CACNB2: variants seen among roughly 807,000 people sequenced by gnomAD.
CACNB2 encodes the protein voltage-dependent L-type calcium channel subunit beta-2.
CACNB2 carries 42 observed loss-of-function variants against 73.3 expected under a neutral mutation model. The observed-to-expected ratio is 0.57, with a 90% CI of 0.45 to 0.74. The LOEUF is 0.74. Ranked by LOEUF, CACNB2 falls within the 30% of genes least tolerant of loss-of-function variation. The pLI is 0.00. For synonymous variants in CACNB2, 348 were observed against 310.3 expected (o/e 1.12, Z -1.28); for missense variants, 940 against 853.0 (o/e 1.10, Z -1.27).
intron 3 of CACNB2, among the ~76,000 whole-genome samples, chr10:18,443,142 C>T (rs189473167): frequency 1.2e-3 from 178 of 150,674 alleles, no homozygotes; most frequent in African/African-American, 4.0e-3. Context: ...TTGACTGAGT[C>T]GTGAAGTTTT....
rs570745027 is a variant in CACNB2 at position 18,384,762 on chromosome 10, A to C, written c.214-17162A>C. Among the ~76,000 whole-genome samples, 306 of 151,290 alleles carry C rather than the reference A, an allele frequency of 2.0e-3. 2 individuals carry two copies. Among genetic ancestry groups the C allele is most frequent in the Middle Eastern group, 6.8e-3 (2 of 292 alleles). ...CAACAACAAACAAAAAACAAAAAAA[A>C]CCCACAAAACCAAAAATAAAGTAAT... On this transcript the variant is annotated intron_variant, in intron 2 of 13. Coordinates refer to ENST00000324631, the MANE Select transcript of CACNB2 (RefSeq NM_201596.3).
chr10:18,480,173 A>C (rs1470862275), intron 3 of CACNB2, among the ~76,000 whole-genome samples: 2 of 152,156 alleles, frequency 1.3e-5, no homozygotes, highest in African/African-American at 4.8e-5. Context: ...TTTTTTTCCA[A>C]GGGTTTTTTG....
chr10:18,292,235 A>G (rs2039093595), intron 2 of CACNB2, among the ~76,000 whole-genome samples: 1 of 152,228 alleles, frequency 6.6e-6, no homozygotes, highest in South Asian at 2.1e-4. Context: ...TGGAAACAAG[A>G]TAGCATAGCT....
At chr10:18,492,493 C>T (rs140326709) in intron 3 of CACNB2, among the ~76,000 whole-genome samples, 5,373 of 151,858 alleles carry the variant, frequency 0.035, 285 homozygotes, top group African/African-American at 0.12. Context: ...TGGTGGCATG[C>T]GCCTGTAGTC....
intron 2 of CACNB2, among the ~76,000 whole-genome samples, chr10:18,220,227 A>AGGGGGGG (rs1564353826): frequency 3.9e-5 from 2 of 51,718 alleles, no homozygotes; most frequent in African/African-American, 3.4e-4. Flanking sequence ...ATATATATAT[A>AGGGGGGG]TATATAGAGA....
At chr10:18,340,421 G>T (rs1488393204) in intron 2 of CACNB2, among the ~76,000 whole-genome samples, 1 of 152,160 alleles carries the variant, frequency 6.6e-6, no homozygotes, top group Non-Finnish European at 1.5e-5. Context: ...GGTGGGAGTA[G>T]AAAAATATTT....
At chr10:18,340,183 G>A (rs1314433320) in intron 2 of CACNB2, among the ~76,000 whole-genome samples, 2 of 152,032 alleles carry the variant, frequency 1.3e-5, no homozygotes, top group Admixed American at 1.3e-4. Flanking sequence ...ATACATATAT[G>A]TGTGTGTTGC....
chr10:18,398,400 C>G (rs1324736357), intron 2 of CACNB2, among the ~76,000 whole-genome samples: 1 of 152,090 alleles, frequency 6.6e-6, no homozygotes, highest in Non-Finnish European at 1.5e-5. Flanking sequence ...TGAGGTGGCT[C>G]ACACCTGTAA....
chr10:18,514,902 T>C (rs1206787407), intron 7 of CACNB2: 7 of 923,416 alleles, frequency 7.6e-6, no homozygotes, highest in Non-Finnish European at 1.2e-5. Flanking sequence ...ACTTATGATA[T>C]CCAGATACAT....
At chr10:18,526,818 T>C (rs547919009) in intron 9 of CACNB2, among the ~76,000 whole-genome samples, 2 of 152,294 alleles carry the variant, frequency 1.3e-5, no homozygotes, top group Admixed American at 6.5e-5. Context: ...CTGGTTCTTA[T>C]TTATTTTTCA....
chr10:18,493,044 T>A (rs2132957088), intron 3 of CACNB2, among the ~76,000 whole-genome samples: 1 of 152,312 alleles, frequency 6.6e-6, no homozygotes, highest in Non-Finnish European at 1.5e-5. Flanking sequence ...ACAATAAGAA[T>A]GATAGACTTA....
chr10:18,291,134 A>G (rs1161171409), intron 2 of CACNB2, among the ~76,000 whole-genome samples: 1 of 152,222 alleles, frequency 6.6e-6, no homozygotes, highest in Non-Finnish European at 1.5e-5. Context: ...CGCAGAAGGT[A>G]CTTACAGGTA....
At chr10:18,175,790 G>C (rs1237594186) in intron 2 of CACNB2, among the ~76,000 whole-genome samples, 1 of 152,146 alleles carries the variant, frequency 6.6e-6, no homozygotes, top group African/African-American at 2.4e-5. Context: ...TAGAGATGGG[G>C]TTTCACCACA....
intron 2 of CACNB2, among the ~76,000 whole-genome samples, chr10:18,248,691 C>T (rs1430195483): frequency 6.6e-6 from 1 of 152,232 alleles, no homozygotes; most frequent in Non-Finnish European, 1.5e-5. Context: ...AAGTCTTCCT[C>T]TTGTTCTGTC....
chr10:18,202,354 G>T (rs890489106), intron 2 of CACNB2, among the ~76,000 whole-genome samples: 1 of 152,100 alleles, frequency 6.6e-6, no homozygotes, highest in African/African-American at 2.4e-5. Flanking sequence ...TTCTTCTCTG[G>T]CTATGATTGA....
At chr10:18,296,975 G>T (rs147138285) in intron 2 of CACNB2, among the ~76,000 whole-genome samples, 10 of 152,338 alleles carry the variant, frequency 6.6e-5, no homozygotes, top group African/African-American at 2.4e-4. Context: ...TCCTGTAGGA[G>T]TATTTTTTAA....
In CACNB2 at chr10:18,354,585, G is replaced by C. The variant is rs72786029; in HGVS notation, c.214-47339G>C. ...GAAAGGAAAGCTAGGGTTATTTTGT[G>C]GTGTTTTTGTTGTTGTTGTTGCTGT... is the stretch of plus-strand genomic sequence containing the variant. On this transcript the variant is annotated intron_variant, in intron 2 of 13. Coordinates refer to ENST00000324631, the MANE Select transcript of CACNB2 (RefSeq NM_201596.3). Among the ~76,000 whole-genome samples, 7 of 152,060 alleles carry C rather than the reference G, an allele frequency of 4.6e-5. No homozygotes were observed. In the East Asian group the frequency reaches 1.3e-3, roughly 29 times the overall value.
Position 18,500,946 on chromosome 10 carries a change from C to T in CACNB2, c.591C>T (p.Ser197=), listed in dbSNP as rs2050161026. ...GAGCCAAGCAAGGGAAATTCTACTC[C>T]AGGTATGAGACAGATGTCAAGTGTT... ...EQRAKQGKFY[S]SKSGGNSSSS... The change falls in exon 5 of 14, where the codon TCC becomes TCT. Residue 197 remains serine (S), a splice_region_variant and synonymous_variant. Coordinates refer to ENST00000324631, the MANE Select transcript of CACNB2 (RefSeq NM_201596.3). The T allele has an allele frequency of 6.2e-7, 1 of 1,613,696 alleles. No homozygotes were observed. The highest frequency in any genetic ancestry group is 8.5e-7 in the Non-Finnish European group (1 of 1,179,850).
intron 2 of CACNB2, among the ~76,000 whole-genome samples, chr10:18,262,537 G>A (rs968236121): frequency 2.0e-5 from 3 of 152,168 alleles, no homozygotes; most frequent in African/African-American, 7.2e-5. Context: ...GACATCTGCA[G>A]GGATAGATGG....
Sources: gnomAD v4.1 joint callset for allele counts (sites outside exome capture counted in the v4.1 genomes callset) on GRCh38, gnomAD v4.1.1 for gene constraint, MANE v1.5 for transcripts, NCBI Gene and HGNC (gene_info 2026-07-23, HGNC 2026-07-21) for gene names.